CCDC91: variants seen among roughly 807,000 people sequenced by gnomAD.
CCDC91 encodes the protein coiled-coil domain-containing protein 91.
CCDC91 carries 48 observed loss-of-function variants against 63.2 expected under a neutral mutation model. That is an observed-to-expected ratio of 0.76 (90% CI 0.60 to 0.97). The LOEUF (loss-of-function observed/expected upper bound fraction) is 0.97. Among genes scored for constraint, CCDC91 ranks in the 50% least tolerant of loss-of-function variants. The pLI is 0.00. For synonymous variants in CCDC91, 167 were observed against 165.8 expected, an observed-to-expected ratio of 1.01 and a Z score of -0.06; for missense variants, 500 against 494.6, an observed-to-expected ratio of 1.01 and a Z score of -0.10.
At chr12:28,483,552 TCTTA>T (rs1951557139) in intron 11 of CCDC91, among the ~76,000 whole-genome samples, 1 of 152,102 alleles carries the variant, frequency 6.6e-6, no homozygotes, top group East Asian at 1.9e-4. Context: ...AATTTTTACC[TCTTA>T]CTTATGGTGT....
chr12:28,282,185 C>T (rs1284295173), intron 3 of CCDC91, among the ~76,000 whole-genome samples: 2 of 152,068 alleles, frequency 1.3e-5, no homozygotes, highest in Non-Finnish European at 2.9e-5. Flanking sequence ...TTCTTACCTT[C>T]GATAATTTCC....
At chr12:28,291,600 T>C (rs1949254115) in intron 3 of CCDC91, among the ~76,000 whole-genome samples, 1 of 152,204 alleles carries the variant, frequency 6.6e-6, no homozygotes, top group Non-Finnish European at 1.5e-5. Flanking sequence ...CTTTGGAGCT[T>C]CTTTGCGGTC....
chr12:28,344,438 T>C (rs1450530926), intron 6 of CCDC91, among the ~76,000 whole-genome samples: 3 of 152,164 alleles, frequency 2.0e-5, no homozygotes, highest in Non-Finnish European at 4.4e-5. Context: ...CTTCTTTCCA[T>C]TTCTATGAAT....
chr12:28,501,187 A>T (rs1046722959), intron 12 of CCDC91, among the ~76,000 whole-genome samples: 1 of 151,940 alleles, frequency 6.6e-6, no homozygotes, highest in African/African-American at 2.4e-5. Context: ...TCCTAATTGA[A>T]TACCCTTTAT....
chr12:28,467,390 CAATT>C (rs1166068504), intron 11 of CCDC91, among the ~76,000 whole-genome samples: 1 of 151,872 alleles, frequency 6.6e-6, no homozygotes, highest in African/African-American at 2.4e-5. Flanking sequence ...AAAAAGGAAT[CAATT>C]AAGCAAAAGG....
chr12:28,244,129 G>A (rs1242209754), intron 1 of CCDC91, among the ~76,000 whole-genome samples: 1 of 152,082 alleles, frequency 6.6e-6, no homozygotes, highest in African/African-American at 2.4e-5. Flanking sequence ...ATCCATAAAT[G>A]TAAGCAACAT....
intron 1 of CCDC91, among the ~76,000 whole-genome samples, chr12:28,234,743 G>A (rs1169667952): frequency 1.3e-5 from 2 of 151,526 alleles, no homozygotes; most frequent in Non-Finnish European, 2.9e-5. Flanking sequence ...TGGATAGTAA[G>A]TTGATAATTT....
intron 1 of CCDC91, among the ~76,000 whole-genome samples, chr12:28,247,597 T>A (rs1945839461): frequency 6.6e-6 from 1 of 152,080 alleles, no homozygotes; most frequent in Non-Finnish European, 1.5e-5. Context: ...GAGAATGGAC[T>A]AGAAAGGAGC....
At chr12:28,365,334 C>T (rs1204122848) in intron 7 of CCDC91, among the ~76,000 whole-genome samples, 4 of 152,160 alleles carry the variant, frequency 2.6e-5, no homozygotes, top group Non-Finnish European at 4.4e-5. Context: ...CCAATAAATA[C>T]GTTTGCAGCG....
At chr12:28,277,558 T>C (rs1208658184) in intron 3 of CCDC91, among the ~76,000 whole-genome samples, 1 of 152,042 alleles carries the variant, frequency 6.6e-6, no homozygotes, top group Non-Finnish European at 1.5e-5. Context: ...GATTTGGGAC[T>C]GTCAAATTTG....
chr12:28,246,076 A>G (rs1244160951), intron 1 of CCDC91, among the ~76,000 whole-genome samples: 1 of 152,184 alleles, frequency 6.6e-6, no homozygotes, highest in Non-Finnish European at 1.5e-5. Flanking sequence ...AGCCAAAAGA[A>G]TGAATAATAG....
At chr12:28,396,107 A>G (rs564695655) in intron 8 of CCDC91, among the ~76,000 whole-genome samples, 11 of 152,346 alleles carry the variant, frequency 7.2e-5, no homozygotes, top group Non-Finnish European at 8.8e-5. Flanking sequence ...ATAAAGTTCC[A>G]TAGTATTAGG....
chr12:28,489,888 A>G (rs1221940836), intron 12 of CCDC91, among the ~76,000 whole-genome samples: 5 of 151,904 alleles, frequency 3.3e-5, no homozygotes, highest in Admixed American at 2.0e-4. Context: ...ATAAACCATT[A>G]TTTCAATATA....
At chr12:28,401,142 G>A (rs373683161) in intron 8 of CCDC91, among the ~76,000 whole-genome samples, 4 of 152,010 alleles carry the variant, frequency 2.6e-5, no homozygotes, top group South Asian at 2.1e-4. Flanking sequence ...GTATTAGTTC[G>A]TTTCATGCTG....
At chr12:28,464,761 A>G (rs1192505339) in intron 11 of CCDC91, among the ~76,000 whole-genome samples, 1 of 152,096 alleles carries the variant, frequency 6.6e-6, no homozygotes, top group South Asian at 2.1e-4. Context: ...GGCTCAGTAC[A>G]TTCCCAGCTG....
intron 3 of CCDC91, among the ~76,000 whole-genome samples, chr12:28,289,685 CTTTTT>C (rs75555723): frequency 4.1e-5 from 4 of 98,538 alleles, no homozygotes; most frequent in South Asian, 7.7e-4. Context: ...CTTTTCTTTT[CTTTTT>C]TTTTTTTTTT....
At chr12:28,374,423 T>C (rs1446010504) in intron 7 of CCDC91, among the ~76,000 whole-genome samples, 2 of 152,156 alleles carry the variant, frequency 1.3e-5, no homozygotes, top group Non-Finnish European at 2.9e-5. Flanking sequence ...AATTTGAGAT[T>C]ACACATTTCA....
intron 6 of CCDC91, among the ~76,000 whole-genome samples, chr12:28,312,568 G>T (rs1939433039): frequency 6.6e-6 from 1 of 152,016 alleles, no homozygotes; most frequent in Non-Finnish European, 1.5e-5. Flanking sequence ...TTAAATTTGT[G>T]AGTGTCAAAG....
intron 6 of CCDC91, among the ~76,000 whole-genome samples, chr12:28,310,025 A>C (rs1297646344): frequency 4.6e-5 from 7 of 152,070 alleles, no homozygotes; most frequent in Non-Finnish European, 1.0e-4. Flanking sequence ...CTTGGCATAT[A>C]GTGCATGTTC....
Sources: gnomAD v4.1 joint callset for allele counts (sites outside exome capture counted in the v4.1 genomes callset) on GRCh38, gnomAD v4.1.1 for gene constraint, MANE v1.5 for transcripts, NCBI Gene and HGNC (gene_info 2026-07-23, HGNC 2026-07-21) for gene names.